The following TFAP2B variants were observed in gnomAD, a reference collection of about 807,000 sequenced individuals.
TFAP2B encodes the protein transcription factor AP-2-beta.
TFAP2B carries 9 observed loss-of-function variants against 44.3 expected under a neutral mutation model. The ratio of observed to expected loss-of-function variants is 0.20; its 90% CI spans 0.12 to 0.35. The LOEUF (loss-of-function observed/expected upper bound fraction) is 0.35. Among genes scored for constraint, TFAP2B ranks in the 10% least tolerant of loss-of-function variants. The pLI is 1.00. For synonymous variants in TFAP2B, 270 were observed against 263.8 expected (o/e 1.02, Z -0.23); for missense variants, 509 against 600.0 (o/e 0.85, Z 1.59).
At chr6:50,837,191 T>C (rs1762640333) in intron 4 of TFAP2B, among the ~76,000 whole-genome samples, 1 of 152,198 alleles carries the variant, frequency 6.6e-6, no homozygotes, top group African/African-American at 2.4e-5. Context: ...TTACTTGTAC[T>C]TTTGTCCATA....
At chr6:50,825,249 A>G (rs58802281) in intron 2 of TFAP2B, among the ~76,000 whole-genome samples, 1,793 of 152,094 alleles carry the variant, frequency 0.012, 29 homozygotes, top group African/African-American at 0.041. Flanking sequence ...CTGGCTAGAG[A>G]TATTGCTCAT....
intron 3 of TFAP2B, among the ~76,000 whole-genome samples, chr6:50,835,122 G>A (rs1762594163): frequency 1.3e-5 from 2 of 152,220 alleles, no homozygotes; most frequent in African/African-American, 4.8e-5. Context: ...CAGGGTAGCA[G>A]TGGCAACCAG....
chr6:50,833,752 G>T (rs1762564170), intron 3 of TFAP2B, among the ~76,000 whole-genome samples: 1 of 150,872 alleles, frequency 6.6e-6, no homozygotes, highest in Non-Finnish European at 1.5e-5. Context: ...TAAAGGCCCG[G>T]CTTTTCCAGA....
chr6:50,821,895 A>C (rs960988979), intron 1 of TFAP2B: 54 of 303,640 alleles, frequency 1.8e-4, no homozygotes, highest in South Asian at 1.0e-3. Context: ...GAACGGCAGA[A>C]GAAAAGAGGC....
upstream of TFAP2B, chr6:50,818,663 A>G: frequency 1.9e-6 from 1 of 539,968 alleles, no homozygotes; most frequent in Non-Finnish European, 3.3e-6. Context: ...ATACGGGTTT[A>G]TGATTTTTAT....
At chr6:50,828,545 T>C (rs1770588111) in intron 2 of TFAP2B, 74 bp from the exon 3 acceptor site, 1 of 1,341,838 alleles carries the variant, frequency 7.5e-7, no homozygotes, top group African/African-American at 1.4e-5. Flanking sequence ...AACTCCAGTT[T>C]GGAATAACAT....
At position 50,845,743 on chromosome 6, in the gene TFAP2B, A is replaced by T. The variant is rs1236752477; in HGVS notation, c.*2351A>T. ...GTGTGACGTGCGAGAGACGCGATGG[A>T]CGCGCCTTGCTCTTACTGTGCAGGT... On this transcript the variant is annotated 3_prime_UTR_variant, in exon 7 of 7. Transcript: ENST00000393655. 1 of 152,756 alleles carries T rather than the reference A, an allele frequency of 6.5e-6. No individual in the cohort carries two copies. Among genetic ancestry groups the T allele is most frequent in the Non-Finnish European group, 1.5e-5 (1 of 68,112 alleles). The allele number at this position is 152,756 out of a possible 1,614,324, so 9.5% of individuals were successfully genotyped here.
In TFAP2B at chr6:50,821,563, G is replaced by C. The variant is rs528041606; in HGVS notation, c.82-1844G>C. The stretch of plus-strand genomic sequence containing the variant: ...CAAAGGAGCAGGGGCTGCTTTACTC[G>C]TGTCCCCGGCACAGTTAATTGAAGT... On this transcript the variant is annotated intron_variant, in intron 1 of 6. Coordinates refer to ENST00000393655, the MANE Select transcript of TFAP2B (RefSeq NM_003221.4). 1.4e-4 allele frequency among the ~76,000 whole-genome samples: 21 copies of C among 152,146 alleles called. No individual in the cohort carries two copies. In the South Asian group the frequency reaches 4.4e-3, roughly 32 times the overall value.
chr6:50,832,912 CTTTT>C (rs1352518117), intron 3 of TFAP2B, among the ~76,000 whole-genome samples: 1 of 152,016 alleles, frequency 6.6e-6, no homozygotes, highest in Non-Finnish European at 1.5e-5. Context: ...TGTTTTTAGC[CTTTT>C]TTTACTTCTC....
intron 2 of TFAP2B, 29 bp from the exon 3 acceptor site, chr6:50,828,590 T>C (rs1430138841): frequency 2.5e-6 from 4 of 1,593,120 alleles, no homozygotes; most frequent in Non-Finnish European, 3.4e-6. Flanking sequence ...ATCCTGTCAA[T>C]TTGAATAGTG....
chr6:50,820,506 G>A (rs1770312127), intron 1 of TFAP2B, among the ~76,000 whole-genome samples: 1 of 152,286 alleles, frequency 6.6e-6, no homozygotes, highest in African/African-American at 2.4e-5. Flanking sequence ...AGAGAGCAGA[G>A]AGGAGAGAGA....
At chr6:50,819,343 T>A (rs1456546424) in intron 1 of TFAP2B, among the ~76,000 whole-genome samples, 1 of 151,718 alleles carries the variant, frequency 6.6e-6, no homozygotes, top group African/African-American at 2.4e-5. Context: ...TTTCTCGTTT[T>A]AAGTGTGGAA....
At chr6:50,837,093 AC>A (rs1458949389) in intron 4 of TFAP2B, among the ~76,000 whole-genome samples, 2 of 152,190 alleles carry the variant, frequency 1.3e-5, no homozygotes, top group African/African-American at 2.4e-5. Flanking sequence ...TTCCAAGATG[AC>A]CCCTTCTGGG....
chr6:50,823,175 A>G (rs1770402600), intron 1 of TFAP2B, among the ~76,000 whole-genome samples: 1 of 152,018 alleles, frequency 6.6e-6, no homozygotes, highest in East Asian at 1.9e-4. Context: ...TTTTCTCCCC[A>G]AGCCTGGGGT....
Position 50,847,198 on chromosome 6 carries a change from G to A in TFAP2B, c.*3806G>A. 6.7e-6 allele frequency: 1 copy of A among 149,426 alleles called. No homozygotes were observed. The highest frequency in any genetic ancestry group is 1.5e-5 in the Non-Finnish European group (1 of 67,312). 9.3% of individuals were successfully genotyped at this position (149,426 alleles called of 1,614,324 possible). A position where few individuals can be genotyped will look rare whatever the true frequency, so the allele number is the denominator to read the frequency against. On this transcript the variant is annotated 3_prime_UTR_variant, in exon 7 of 7. Coordinates refer to ENST00000393655, the MANE Select transcript of TFAP2B (RefSeq NM_003221.4). ...TGAAATTACTGGCTTAAAAAAAAAA[G>A]TATCAATTTTTTTTTAACGGAATGA...
Position 50,838,006 on chromosome 6 carries a change from C to T in TFAP2B, c.853C>T (p.Arg285Ter), listed in dbSNP as rs1474152110. 1.2e-6 allele frequency: 2 copies of T among 1,614,050 alleles called. No homozygotes were observed. The highest frequency in any genetic ancestry group is 1.7e-6 in the Non-Finnish European group (2 of 1,180,002). ...ATCGAAAAATGGGGGGAGATCTTTGCGAGAAAGGCTAGAAAAAATCGGTTT... is the reference window on the plus strand; with the variant it reads ...ATCGAAAAATGGGGGGAGATCTTTGTGAGAAAGGCTAGAAAAAATCGGTTT... Reference protein sequence around the residue: ...AKSKNGGRSLRERLEKIGLNL... With the variant: ...AKSKNGGRSL Residue 285 changes from arginine to a stop codon, truncating the protein, a stop_gained, in exon 5 of 7, where the codon CGA becomes TGA. Transcript: ENST00000393655. LOFTEE classifies it high-confidence loss of function.
chr6:50,828,532 A>G, intron 2 of TFAP2B, 87 bp from the exon 3 acceptor site: 1 of 1,183,020 alleles, frequency 8.5e-7, no homozygotes, highest in Non-Finnish European at 1.2e-6. Flanking sequence ...TGGAAATAAC[A>G]GAAACTCCAG....
chr6:50,818,785 G>A, upstream of TFAP2B: 2 of 959,452 alleles, frequency 2.1e-6, no homozygotes, highest in South Asian at 1.4e-5. Flanking sequence ...TATAAGTTGC[G>A]ATGGGAGAGG....
chr6:50,827,308 T>C (rs528639499), intron 2 of TFAP2B, among the ~76,000 whole-genome samples: 1 of 152,264 alleles, frequency 6.6e-6, no homozygotes, highest in Admixed American at 6.5e-5. Flanking sequence ...GAAATATTTT[T>C]AAAACACCTT....
Sources: gnomAD v4.1 joint callset for allele counts (sites outside exome capture counted in the v4.1 genomes callset) on GRCh38, gnomAD v4.1.1 for gene constraint, MANE v1.5 for transcripts, NCBI Gene and HGNC (gene_info 2026-07-23, HGNC 2026-07-21) for gene names.